The following NTNG1 variants were observed in gnomAD, a reference collection of about 807,000 sequenced individuals.
NTNG1 encodes the protein netrin G1, also known as netrin-G1.
Under a neutral mutation model 54.0 loss-of-function variants are expected in NTNG1, and 16 were observed. The observed-to-expected ratio is 0.30, with a 90% confidence interval of 0.20 to 0.45. The LOEUF (loss-of-function observed/expected upper bound fraction) is 0.45, where lower values mean the gene tolerates loss of function less well. Among genes scored for constraint, NTNG1 ranks in the 20% least tolerant of loss-of-function variants. The pLI, the probability that NTNG1 is intolerant of heterozygous loss-of-function variation, is 1.00. For missense variants in NTNG1, 530 were observed against 678.7 expected, an observed-to-expected ratio of 0.78 and a Z score of 2.43; for synonymous variants, 255 against 263.1, an observed-to-expected ratio of 0.97 and a Z score of 0.30.
chr1:107,480,605 C>G lies in NTNG1; in HGVS notation c.1391-6C>G. 1 of 555,772 alleles carries G rather than the reference C, an allele frequency of 1.8e-6. No individual in the cohort carries two copies. Among genetic ancestry groups the G allele is most frequent in the Non-Finnish European group, 2.9e-6 (1 of 340,422 alleles). The allele number at this position is 555,772 out of a possible 1,614,324, so 34.4% of individuals were successfully genotyped here. On this transcript the variant is annotated splice_region_variant and splice_polypyrimidine_tract_variant and intron_variant, in intron 7 of 7. Transcript: ENST00000370068. ...ACCCACCCCTACCTTCCCCCTCATT[C>G]TGCAGCGAATGTCTGCGACAACGAG...
At chr1:107,234,443 G>A (rs1661272348) in intron 2 of NTNG1, among the ~76,000 whole-genome samples, 1 of 151,756 alleles carries the variant, frequency 6.6e-6, no homozygotes, top group African/African-American at 2.4e-5. Context: ...TTTTTTTTCG[G>A]AAATGTATGT....
chr1:107,434,547 G>T (rs941083171), intron 6 of NTNG1, among the ~76,000 whole-genome samples: 1 of 152,168 alleles, frequency 6.6e-6, no homozygotes, highest in African/African-American at 2.4e-5. Context: ...GCATCACAAT[G>T]AAACAGAGCT....
At chr1:107,420,223 C>G (rs1020551915) in intron 5 of NTNG1, among the ~76,000 whole-genome samples, 1 of 152,042 alleles carries the variant, frequency 6.6e-6, no homozygotes, top group African/African-American at 2.4e-5. Context: ...AAAACACTTT[C>G]AGAAATATCA....
intron 3 of NTNG1, among the ~76,000 whole-genome samples, chr1:107,363,268 A>G (rs1670399128): frequency 6.6e-6 from 1 of 152,214 alleles, no homozygotes; most frequent in Non-Finnish European, 1.5e-5. Context: ...CTGCAAATAC[A>G]AATAAAACAG....
At chr1:107,393,351 T>C (rs1184731624) in intron 3 of NTNG1, among the ~76,000 whole-genome samples, 2 of 152,058 alleles carry the variant, frequency 1.3e-5, no homozygotes, top group Admixed American at 1.3e-4. Flanking sequence ...TAAATAAAGG[T>C]GTTAATGTTG....
At chr1:107,430,342 C>T (rs1570944664) in intron 5 of NTNG1, among the ~76,000 whole-genome samples, 1 of 152,194 alleles carries the variant, frequency 6.6e-6, no homozygotes, top group East Asian at 1.9e-4. Flanking sequence ...ACACAGTCCC[C>T]TCTCACTTTT....
chr1:107,188,711 C>T (rs1420542539), intron 2 of NTNG1, among the ~76,000 whole-genome samples: 2 of 151,970 alleles, frequency 1.3e-5, no homozygotes, highest in Non-Finnish European at 2.9e-5. Flanking sequence ...GTAATCTATC[C>T]ATTGGTTAAT....
rs372231898 is a variant in NTNG1, at chr1:107,376,827, C to T, written c.888-18327C>T. Among the ~76,000 whole-genome samples, 5 of 152,184 alleles carry T rather than the reference C, an allele frequency of 3.3e-5. No individual in the cohort carries two copies. In the East Asian group the frequency reaches 5.8e-4, roughly 18 times the overall value. The stretch of plus-strand genomic sequence containing the variant: ...TTGCTGCCCCCCCAGCCACCAGCCC[C>T]AGCACATGCAAGTGTCCCGTCTTCC... On this transcript the variant is annotated intron_variant, in intron 3 of 7. Coordinates refer to ENST00000370068, the MANE Select transcript of NTNG1 (RefSeq NM_001113226.3).
intron 3 of NTNG1, among the ~76,000 whole-genome samples, chr1:107,387,409 T>G (rs1289800618): frequency 1.3e-5 from 2 of 152,224 alleles, no homozygotes; most frequent in African/African-American, 2.4e-5. Context: ...AGCTCTACAG[T>G]GTTTCTCAAA....
chr1:107,306,750 CAAAA>C, intron 2 of NTNG1, among the ~76,000 whole-genome samples: 1 of 111,570 alleles, frequency 9.0e-6, no homozygotes, highest in Admixed American at 9.2e-5. Context: ...GACTCCATCG[CAAAA>C]AAAAAAAAAA....
intron 4 of NTNG1, among the ~76,000 whole-genome samples, chr1:107,405,336 G>A (rs1439037109): frequency 6.6e-6 from 1 of 152,102 alleles, no homozygotes; most frequent in Non-Finnish European, 1.5e-5. Context: ...CCATTTTACA[G>A]CAGAGGAATA....
At chr1:107,431,549 C>T (rs965337042) in intron 6 of NTNG1, among the ~76,000 whole-genome samples, 20 of 152,100 alleles carry the variant, frequency 1.3e-4, no homozygotes, top group South Asian at 4.1e-4. Flanking sequence ...TGGAAAACTG[C>T]GTCCACAGAG....
chr1:107,408,800 A>G (rs1175984541), intron 5 of NTNG1: 1 of 152,094 alleles, frequency 6.6e-6, no homozygotes, highest in African/African-American at 2.4e-5. Flanking sequence ...TGTGCCAGGC[A>G]GGGTGATCGC....
intron 2 of NTNG1, among the ~76,000 whole-genome samples, chr1:107,241,143 C>A (rs1270440547): frequency 2.0e-5 from 3 of 152,074 alleles, no homozygotes; most frequent in Non-Finnish European, 4.4e-5. Context: ...TGACATGGAC[C>A]TTCTACTCTT....
At chr1:107,438,494 C>A (rs1229089675) in intron 7 of NTNG1, among the ~76,000 whole-genome samples, 2 of 152,238 alleles carry the variant, frequency 1.3e-5, no homozygotes, top group Non-Finnish European at 2.9e-5. Context: ...CATGGCACAG[C>A]TAGACCTCAA....
At chr1:107,470,100 C>T (rs1483029685) in intron 7 of NTNG1, among the ~76,000 whole-genome samples, 4 of 152,134 alleles carry the variant, frequency 2.6e-5, no homozygotes, top group Admixed American at 2.0e-4. Context: ...GAGTCATTGG[C>T]AAGCCAAGGA....
intron 2 of NTNG1, among the ~76,000 whole-genome samples, chr1:107,311,294 T>C (rs72983586): frequency 0.064 from 9,754 of 152,206 alleles, 470 homozygotes; most frequent in African/African-American, 0.13. Flanking sequence ...AAGGATGCTG[T>C]GGATTGGATA....
In NTNG1 at chr1:107,484,013, C is replaced by T. The variant is rs1678885796; in HGVS notation, c.*3173C>T. Among the ~76,000 whole-genome samples, 1 of 152,160 alleles carries T rather than the reference C, an allele frequency of 6.6e-6. No homozygotes were observed. The highest frequency in any genetic ancestry group is 6.5e-5 in the Admixed American group (1 of 15,290). ...CAGCTTTCTCCCAGATATCAGGAACCTAGAGTTTCCTACTCAGATAACCGC... is the reference window on the plus strand; with the variant it reads ...CAGCTTTCTCCCAGATATCAGGAACTTAGAGTTTCCTACTCAGATAACCGC... On this transcript the variant is annotated 3_prime_UTR_variant, in exon 8 of 8. Coordinates refer to ENST00000370068, the MANE Select transcript of NTNG1 (RefSeq NM_001113226.3).
chr1:107,195,177 C>CACTTAAGCTTT (rs1553199090), intron 2 of NTNG1, among the ~76,000 whole-genome samples: 3 of 151,988 alleles, frequency 2.0e-5, no homozygotes, highest in Non-Finnish European at 4.4e-5. Context: ...TGTTAAGCTT[C>CACTTAAGCTTT]ACTTAAGCTT....
Sources: gnomAD v4.1 joint callset for allele counts (sites outside exome capture counted in the v4.1 genomes callset) on GRCh38, gnomAD v4.1.1 for gene constraint, MANE v1.5 for transcripts, NCBI Gene and HGNC (gene_info 2026-07-23, HGNC 2026-07-21) for gene names.